Variants in COL21A1 observed in about 807,000 individuals in gnomAD.
COL21A1 encodes collagen alpha-1(XXI) chain.
A neutral mutation model predicts 137.9 loss-of-function variants in COL21A1; 149 were observed. The ratio of observed to expected loss-of-function variants is 1.08; its 90% confidence interval spans 0.95 to 1.24. The LOEUF is 1.24. Among genes scored for constraint, COL21A1 ranks in the 50% most tolerant of loss-of-function variants. COL21A1 has a pLI of 0.00. For synonymous variants in COL21A1, 456 were observed against 391.5 expected (o/e 1.16, Z -1.95); for missense variants, 1,167 against 1,158.4 (o/e 1.01, Z -0.11).
Position 56,257,903 on chromosome 6 carries a change from T to C in COL21A1, c.-38-75247A>G, listed in dbSNP as rs745444519. On this transcript the variant is annotated intron_variant, in intron 1 of 28. Coordinates refer to the COL21A1 transcript ENST00000370819. ...TATAGTATTATAATTAAAATTTATG[T>C]TCATTATTTAATCAGTCAGAAATTA... Among the ~76,000 whole-genome samples, 323 of 152,302 alleles carry C rather than the reference T, an allele frequency of 2.1e-3. 8 individuals are homozygous for C. Among genetic ancestry groups the C allele is most frequent in the Non-Finnish European group, 8.7e-4 (59 of 68,000 alleles).
intron 1 of COL21A1, among the ~76,000 whole-genome samples, chr6:56,300,840 A>G (rs568916426): frequency 6.6e-6 from 1 of 152,238 alleles, no homozygotes; most frequent in South Asian, 2.1e-4. Flanking sequence ...CTTCATGAAA[A>G]TGATCAAAAT....
chr6:56,305,802 A>G (rs866051969), intron 1 of COL21A1, among the ~76,000 whole-genome samples: 9 of 151,046 alleles, frequency 6.0e-5, no homozygotes, highest in Middle Eastern at 3.4e-3. Context: ...TATTTTGCTT[A>G]TTAGTTGATG....
At chr6:56,171,691 G>GA (rs921511046) in intron 3 of COL21A1, among the ~76,000 whole-genome samples, 2 of 151,718 alleles carry the variant, frequency 1.3e-5, no homozygotes, top group Non-Finnish European at 1.5e-5. Context: ...TGTCTCTCTG[G>GA]AAAAAACTTA....
At chr6:56,347,486 G>A (rs753934257) in intron 1 of COL21A1, among the ~76,000 whole-genome samples, 21 of 149,626 alleles carry the variant, frequency 1.4e-4, no homozygotes, top group Non-Finnish European at 4.4e-5. Flanking sequence ...TCTCCTATTG[G>A]GCTGCACATT....
At chr6:56,141,694 A>G in intron 12 of COL21A1, 91 bp downstream of exon 12, 1 of 1,360,610 alleles carries the variant, frequency 7.3e-7, no homozygotes, top group Non-Finnish European at 1.0e-6. Context: ...GAATTCACCA[A>G]GACGCAGACT....
intron 1 of COL21A1, among the ~76,000 whole-genome samples, chr6:56,321,987 TCAGCATG>T (rs1764880613): frequency 2.0e-5 from 3 of 152,070 alleles, no homozygotes; most frequent in African/African-American, 7.2e-5. Flanking sequence ...CATTTCTAAA[TCAGCATG>T]CAATGAAAAG....
At chr6:56,192,929 A>G (rs376247859) in intron 1 of COL21A1, among the ~76,000 whole-genome samples, 276 of 152,346 alleles carry the variant, frequency 1.8e-3, no homozygotes, top group African/African-American at 6.3e-3. Flanking sequence ...ATGTCCATCA[A>G]TGATAGACTG....
chr6:56,224,015 A>C (rs1399503525), intron 1 of COL21A1, among the ~76,000 whole-genome samples: 1 of 152,036 alleles, frequency 6.6e-6, no homozygotes, highest in African/African-American at 2.4e-5. Flanking sequence ...TTGTTTCCTG[A>C]CTGGAATAAG....
intron 1 of COL21A1, among the ~76,000 whole-genome samples, chr6:56,297,159 T>G (rs1764181412): frequency 6.6e-6 from 1 of 152,066 alleles, no homozygotes; most frequent in Non-Finnish European, 1.5e-5. Flanking sequence ...CAGGCCAAAA[T>G]GACAACATAT....
intron 12 of COL21A1, among the ~76,000 whole-genome samples, chr6:56,129,675 CGTGTGTGTGT>C (rs78820557): frequency 1.5e-5 from 2 of 136,414 alleles, no homozygotes; most frequent in Non-Finnish European, 3.1e-5. Flanking sequence ...CACGTGCGTG[CGTGTGTGTGT>C]GTGTGTGTGT....
intron 1 of COL21A1, among the ~76,000 whole-genome samples, chr6:56,348,328 G>A (rs532039637): frequency 2.0e-5 from 3 of 152,280 alleles, no homozygotes; most frequent in Admixed American, 6.5e-5. Flanking sequence ...TCCAGGATAT[G>A]TGGGGACCAA....
At chr6:56,267,667 G>A (rs1032139365) in intron 1 of COL21A1, among the ~76,000 whole-genome samples, 20 of 151,150 alleles carry the variant, frequency 1.3e-4, no homozygotes, top group African/African-American at 4.1e-4. Context: ...GAGGCAGGGA[G>A]AATCGCTTGA....
At chr6:56,240,802 T>C (rs1782257745) in intron 1 of COL21A1, among the ~76,000 whole-genome samples, 1 of 152,192 alleles carries the variant, frequency 6.6e-6, no homozygotes, top group Admixed American at 6.5e-5. Flanking sequence ...GCCCAGGGTC[T>C]TCTTGGCCTT....
intron 1 of COL21A1, among the ~76,000 whole-genome samples, chr6:56,321,857 T>C (rs1170516804): frequency 6.6e-6 from 1 of 152,262 alleles, no homozygotes; most frequent in Non-Finnish European, 1.5e-5. Flanking sequence ...TCGTTCAGCA[T>C]TTGAAGCAAA....
Position 56,166,807 on chromosome 6 carries a change from C to A in COL21A1, c.1278+99G>T, listed in dbSNP as rs1776616309. 4.5e-6 allele frequency: 4 copies of A among 888,736 alleles called. No homozygotes were observed. The East Asian group carries it at 1.1e-4, about 23-fold the overall frequency. The allele number at this position is 888,736 out of a possible 1,614,324, so 55.1% of individuals were successfully genotyped here. On this transcript the variant is annotated intron_variant, in intron 7 of 29. Coordinates refer to ENST00000244728, the MANE Select transcript of COL21A1 (RefSeq NM_030820.4). Reference sequence around the variant, plus strand: ...CTAACATTAAAAAATAAAATTAAGTCTACATATTAAATTAATACTCAGATA... The same window carrying A: ...CTAACATTAAAAAATAAAATTAAGTATACATATTAAATTAATACTCAGATA...
intron 1 of COL21A1, among the ~76,000 whole-genome samples, chr6:56,255,616 T>C (rs1318074815): frequency 1.3e-5 from 2 of 152,150 alleles, no homozygotes; most frequent in Non-Finnish European, 1.5e-5. Flanking sequence ...GTAGCAGCAA[T>C]GGGTGGGCAT....
chr6:56,238,560 G>A (rs1782062195), intron 1 of COL21A1, among the ~76,000 whole-genome samples: 2 of 151,702 alleles, frequency 1.3e-5, no homozygotes, highest in Admixed American at 1.3e-4. Context: ...CTACAACTGT[G>A]CCATTACAGC....
intron 10 of COL21A1, among the ~76,000 whole-genome samples, chr6:56,144,119 T>C (rs997481136): frequency 1.2e-4 from 19 of 152,210 alleles, no homozygotes; most frequent in Admixed American, 3.9e-4. Flanking sequence ...TAGAATTCAC[T>C]CTCAGCTCTG....
chr6:56,303,971 C>G (rs1764369362), intron 1 of COL21A1, among the ~76,000 whole-genome samples: 1 of 152,188 alleles, frequency 6.6e-6, no homozygotes, highest in Non-Finnish European at 1.5e-5. Context: ...AAGGCCTTTT[C>G]TGCATCTGTT....
Sources: allele counts gnomAD v4.1 joint callset (sites outside exome capture counted in the v4.1 genomes callset), GRCh38; gene constraint gnomAD v4.1.1; transcripts MANE v1.5; gene names NCBI Gene and HGNC (gene_info 2026-07-23, HGNC 2026-07-21).